Variants in TBC1D8B observed in about 807,000 individuals in gnomAD.
TBC1D8B encodes the protein RP11-321G1.1.
In TBC1D8B, 75 loss-of-function variants were observed where a neutral mutation model predicts 82.9. The observed-to-expected ratio is 0.90, with a 90% CI of 0.75 to 1.10. The LOEUF (loss-of-function observed/expected upper bound fraction) is 1.10, where lower values mean the gene tolerates loss of function less well. Among genes scored for constraint, TBC1D8B ranks in the 50% least tolerant of loss-of-function variants. The probability of loss-of-function intolerance (pLI) is 0.00; values close to 1 mark genes in which losing one functional copy is unlikely to be tolerated. For missense variants in TBC1D8B, 794 were observed against 796.9 expected (o/e 1.00, Z 0.04); for synonymous variants, 276 against 276.8 (o/e 1.00, Z 0.03).
At position 106,873,745 on chromosome X, in the gene TBC1D8B, G is replaced by A. The variant is rs764048858; in HGVS notation, c.3143G>A (p.Cys1048Tyr). ...GCCAAAGGATTCTCTGGTACTGTCT[G>A]TGGTTCTGGAGGACCCAGTGAGGAA... is the stretch of plus-strand genomic sequence containing the variant. ...SSAKGFSGTV[C>Y]GSGGPSEEKT... Residue 1048 changes from cysteine to tyrosine, a missense_variant, in exon 21 of 21, where the codon TGT becomes TAT. By Grantham distance (194) the Cys-to-Tyr change is radical. Coordinates refer to ENST00000357242, the MANE Select transcript of TBC1D8B (RefSeq NM_017752.3). The A allele has an allele frequency of 1.7e-6, 2 of 1,210,171 alleles. No homozygotes were observed. The highest frequency in any genetic ancestry group is 3.5e-5 in the African/African-American group (2 of 57,242).
At chrX:106,818,470 A>G (rs1465548672) in intron 1 of TBC1D8B, 193 bp from the exon 2 acceptor site, 3 of 320,841 alleles carry the variant, frequency 9.4e-6, no homozygotes, top group Admixed American at 5.6e-5. Flanking sequence ...TAATTTTCTC[A>G]GATACTACTC....
chrX:106,870,791 A>C lies in TBC1D8B; in HGVS notation c.2945A>C (p.Lys982Thr). 8.4e-7 allele frequency: 1 copy of C among 1,196,911 alleles called. No individual in the cohort carries two copies. ...DELFKKEENI[K>T]DLPRMNQSQF... ...CTTTTCAAAAAAGAAGAAAACATTAAGGATTTACCAAGAATGAATCAGGTA... is the reference window on the plus strand; with the variant it reads ...CTTTTCAAAAAAGAAGAAAACATTACGGATTTACCAAGAATGAATCAGGTA... Residue 982 changes from lysine (K) to threonine (T), a missense_variant, in exon 20 of 21, where the codon AAG becomes ACG. Transcript: ENST00000357242.
chrX:106,813,393 G>C (rs1489160801), intron 1 of TBC1D8B, among the ~76,000 whole-genome samples: 1 of 111,379 alleles, frequency 9.0e-6, no homozygotes, highest in Non-Finnish European at 1.9e-5. Context: ...ATTATTTCTT[G>C]CATAGTTTTA....
At chrX:106,830,197 C>T (rs1167785897) in intron 7 of TBC1D8B, 19 of 112,256 alleles carry the variant, frequency 1.7e-4, no homozygotes, top group Admixed American at 2.8e-4. Flanking sequence ...TGAAAAAATG[C>T]TCACCATCAC....
intron 10 of TBC1D8B, among the ~76,000 whole-genome samples, chrX:106,843,954 G>A (rs895141458): frequency 1.8e-5 from 2 of 111,141 alleles, no homozygotes; most frequent in Admixed American, 1.9e-4. Context: ...TTATTTCTAA[G>A]TATTTTAATT....
chrX:106,811,082 G>A (rs1232568770), intron 1 of TBC1D8B, among the ~76,000 whole-genome samples: 1 of 111,977 alleles, frequency 8.9e-6, no homozygotes, highest in Non-Finnish European at 1.9e-5. Flanking sequence ...CTCCTATAAG[G>A]CTGCCCTTTC....
chrX:106,865,501 A>C (rs1932808008), intron 14 of TBC1D8B, 58 bp from the exon 15 acceptor site: 1 of 966,061 alleles, frequency 1.0e-6, no homozygotes, highest in African/African-American at 1.9e-5. Context: ...ATTCAAAGAG[A>C]ATTTCTTTAC....
chrX:106,871,467 A>C (rs1237036437), intron 20 of TBC1D8B, among the ~76,000 whole-genome samples: 1 of 111,337 alleles, frequency 9.0e-6, no homozygotes, highest in Non-Finnish European at 1.9e-5. Context: ...TTAGGGAAAA[A>C]TTCTCTCAAA....
chrX:106,859,303 A>G (rs1324686109), intron 14 of TBC1D8B, among the ~76,000 whole-genome samples: 1 of 111,821 alleles, frequency 8.9e-6, no homozygotes, highest in Non-Finnish European at 1.9e-5. Context: ...TTTGGTTGGT[A>G]TGGCCTTTTT....
rs532842166 is a variant in TBC1D8B, at chrX:106,865,533, C to A, written c.2353-26C>A. 3.6e-5 allele frequency: 42 copies of A among 1,158,544 alleles called. 1 individual carries two copies. The Admixed American group carries it at 9.6e-4, about 26-fold the overall frequency. On this transcript the variant is annotated intron_variant, in intron 14 of 20. Transcript: ENST00000357242. ...TTACTGCAATGTTAAAATCTGTGTA[C>A]TAAATTGCTTTTAATCTTTTTAAAG...
chrX:106,835,188 A>C (rs758793516), intron 7 of TBC1D8B, among the ~76,000 whole-genome samples: 23 of 112,405 alleles, frequency 2.0e-4, no homozygotes, highest in African/African-American at 6.5e-4. Context: ...AGGTTTCCAA[A>C]CCTCAGTTCT....
At chrX:106,850,361 G>A in intron 12 of TBC1D8B, 51 bp downstream of exon 12, 3 of 1,095,441 alleles carry the variant, frequency 2.7e-6, no homozygotes, top group Non-Finnish European at 3.6e-6. Context: ...GAGAGATGAT[G>A]TTGTTCAATC....
chrX:106,831,030 G>A (rs924532171), intron 7 of TBC1D8B, among the ~76,000 whole-genome samples: 2 of 110,624 alleles, frequency 1.8e-5, no homozygotes, highest in African/African-American at 6.5e-5. Flanking sequence ...TGTCTCTCAT[G>A]GAAATGCAGA....
intron 1 of TBC1D8B, among the ~76,000 whole-genome samples, chrX:106,806,065 T>C (rs1247937619): frequency 8.9e-6 from 1 of 112,637 alleles, no homozygotes; most frequent in African/African-American, 3.2e-5. Context: ...AAGTGTGGAC[T>C]TGATAAAGTT....
chrX:106,867,137 C>T (rs1932820311), intron 17 of TBC1D8B, among the ~76,000 whole-genome samples: 1 of 111,464 alleles, frequency 9.0e-6, no homozygotes, highest in Non-Finnish European at 1.9e-5. Flanking sequence ...AATCACATAT[C>T]ATTTGATTGT....
At chrX:106,839,159 T>A (rs1018519614) in intron 7 of TBC1D8B, 149 bp from the exon 8 acceptor site, 1 of 580,475 alleles carries the variant, frequency 1.7e-6, no homozygotes, top group Non-Finnish European at 2.4e-6. Context: ...TTGACATATC[T>A]AATTTTGATA....
At chrX:106,812,592 A>C (rs1013651187) in intron 1 of TBC1D8B, among the ~76,000 whole-genome samples, 1 of 111,490 alleles carries the variant, frequency 9.0e-6, no homozygotes, top group African/African-American at 3.3e-5. Flanking sequence ...AGGACATTTT[A>C]GTTTGTGTAC....
intron 1 of TBC1D8B, among the ~76,000 whole-genome samples, chrX:106,809,597 G>T (rs1931298043): frequency 9.0e-6 from 1 of 111,132 alleles, no homozygotes; most frequent in African/African-American, 3.3e-5. Context: ...GACAGGAATA[G>T]TTCTGGCCAG....
At chrX:106,850,720 T>C (rs1256157649) in intron 12 of TBC1D8B, among the ~76,000 whole-genome samples, 1 of 112,060 alleles carries the variant, frequency 8.9e-6, no homozygotes, top group Non-Finnish European at 1.9e-5. Flanking sequence ...CCTAGTAGCT[T>C]CTGTATGAAT....
Sources: gnomAD v4.1 joint callset for allele counts (sites outside exome capture counted in the v4.1 genomes callset) on GRCh38, gnomAD v4.1.1 for gene constraint, MANE v1.5 for transcripts, NCBI Gene and HGNC (gene_info 2026-07-23, HGNC 2026-07-21) for gene names.